The following SUGP2 variants were observed in gnomAD, a reference collection of about 807,000 sequenced individuals.
The protein encoded by SUGP2 is SURP and G-patch domain-containing protein 2.
A neutral mutation model predicts 90.5 loss-of-function variants in SUGP2; 24 were observed. The ratio of observed to expected loss-of-function variants is 0.27; its 90% CI spans 0.19 to 0.37. SUGP2 has a LOEUF of 0.37. SUGP2 is among the 10% of genes least tolerant of loss of function. SUGP2 has a pLI of 1.00. For missense variants in SUGP2, 1,233 were observed against 1,363.3 expected, an observed-to-expected ratio of 0.90 and a Z score of 1.51; for synonymous variants, 473 against 513.4, an observed-to-expected ratio of 0.92 and a Z score of 1.06.
At chr19:18,994,180 G>T in intron 10 of SUGP2, 186 bp downstream of exon 10, 1 of 786,406 alleles carries the variant, frequency 1.3e-6, no homozygotes, top group Non-Finnish European at 2.0e-6. Flanking sequence ...CAGCAAACCT[G>T]GAAGGTAAGA....
chr19:18,995,708 G>A (rs1424336500), intron 8 of SUGP2, among the ~76,000 whole-genome samples: 1 of 152,132 alleles, frequency 6.6e-6, no homozygotes, highest in African/African-American at 2.4e-5. Flanking sequence ...CCAGACAGTG[G>A]GTGAGAACTG....
Position 19,019,127 on chromosome 19 carries a change from T to G in SUGP2, c.1832A>C (p.Lys611Thr). 1 of 1,614,006 alleles carries G rather than the reference T, an allele frequency of 6.2e-7. No individual in the cohort carries two copies. Among genetic ancestry groups the G allele is most frequent in the Non-Finnish European group, 8.5e-7 (1 of 1,179,870 alleles). ...GACCTACCAGTAAGCAGGGTCCTCT[T>G]TGAGAAGAGTTCTCTCTTTGGGAGA... Reference protein sequence around the residue: ...SLSPKERTLLKEDPAYWFLSD... With the variant: ...SLSPKERTLLTEDPAYWFLSD... The change falls in exon 4 of 11, where the codon AAA becomes ACA. Residue 611 changes from lysine to threonine, a missense_variant. Transcript: ENST00000452918.
rs1238415918 is a variant in SUGP2, at chr19:18,991,492, AG to A, written c.*2248del. On this transcript the variant is annotated 3_prime_UTR_variant, in exon 11 of 11. Transcript: ENST00000452918. The stretch of plus-strand genomic sequence containing the variant: ...CAGAACCATCTCAGCTCAAACTTGG[AG>A]GAGCGGCAGGAGGTGGGGGGCGGTC... The A allele has an allele frequency of 6.6e-6, 1 of 152,268 alleles. No individual in the cohort carries two copies. The highest frequency in any genetic ancestry group is 1.5e-5 in the Non-Finnish European group (1 of 68,068). 9.4% of individuals were successfully genotyped at this position (152,268 alleles called of 1,614,324 possible). A position where few individuals can be genotyped will look rare whatever the true frequency, so the allele number is the denominator to read the frequency against.
rs148921679 is a variant in SUGP2, at chr19:19,019,344, G to A, written c.1730-115C>T. 1,043 of 1,178,992 alleles carry A rather than the reference G, an allele frequency of 8.8e-4. 2 individuals are homozygous for A. The highest frequency in any genetic ancestry group is 1.1e-3 in the Non-Finnish European group (954 of 871,202). The allele number at this position is 1,178,992 out of a possible 1,614,324, so 73.0% of individuals were successfully genotyped here. On this transcript the variant is annotated intron_variant, in intron 3 of 10. Transcript: ENST00000452918. ...TGAACCCAAGCAGGCATCAACAACC[G>A]AAATCCTCATTCACAAGACACCAGC...
chr19:19,022,132 A>G (rs751771995), intron 3 of SUGP2, among the ~76,000 whole-genome samples: 7 of 151,736 alleles, frequency 4.6e-5, no homozygotes, highest in Non-Finnish European at 1.0e-4. Context: ...CTACAGGCAC[A>G]TGCCACCACG....
intron 1 of SUGP2, chr19:19,033,005 C>T (rs1380395531): frequency 6.7e-6 from 1 of 149,150 alleles, no homozygotes; most frequent in Non-Finnish European, 1.5e-5. Flanking sequence ...GACCCAGGTT[C>T]AAATCACACG....
chr19:19,020,819 C>T (rs900407420), intron 3 of SUGP2, among the ~76,000 whole-genome samples: 5 of 152,010 alleles, frequency 3.3e-5, no homozygotes, highest in East Asian at 1.9e-4. Flanking sequence ...CATGTTTCTT[C>T]GAATGGTAAG....
At chr19:18,994,130 C>T (rs1329541122) in intron 10 of SUGP2, 2 of 458,014 alleles carry the variant, frequency 4.4e-6, no homozygotes, top group Admixed American at 4.1e-5. Context: ...CCAGGCAGGC[C>T]ATGCGCATCT....
chr19:19,022,346 T>C (rs2058759044), intron 3 of SUGP2, among the ~76,000 whole-genome samples: 1 of 152,194 alleles, frequency 6.6e-6, no homozygotes, highest in Admixed American at 6.5e-5. Context: ...ATGTGGGCCC[T>C]GCTGCCACCT....
chr19:19,031,824 C>CT (rs374873309), intron 1 of SUGP2, among the ~76,000 whole-genome samples: 98,073 of 138,094 alleles, frequency 0.71, 34,837 homozygotes, highest in East Asian at 0.88. Flanking sequence ...TTTTATTTAT[C>CT]TTTTTTTTTT....
intron 1 of SUGP2, among the ~76,000 whole-genome samples, chr19:19,031,483 G>C (rs1331730330): frequency 2.0e-5 from 3 of 150,544 alleles, no homozygotes; most frequent in African/African-American, 7.4e-5. Context: ...GCAGTGGGCC[G>C]AGATCATGCC....
chr19:18,992,210 C>T lies in SUGP2; in HGVS notation c.*1531G>A, dbSNP rs1456915886. 3 of 151,574 alleles carry T rather than the reference C, an allele frequency of 2.0e-5. No homozygotes were observed. The highest frequency in any genetic ancestry group is 4.4e-5 in the Non-Finnish European group (3 of 68,020). The allele number at this position is 151,574 out of a possible 1,614,324, so 9.4% of individuals were successfully genotyped here. A position where few individuals can be genotyped will look rare whatever the true frequency, so the allele number is the denominator to read the frequency against. ...GGACTACAAGCGCCCGCCACCACGC[C>T]CAGCTAATTTTTTGCATTTTTAGTA... On this transcript the variant is annotated 3_prime_UTR_variant, in exon 11 of 11. Transcript: ENST00000452918.
intron 2 of SUGP2, among the ~76,000 whole-genome samples, chr19:19,030,312 A>C (rs2059104874): frequency 6.6e-6 from 1 of 152,092 alleles, no homozygotes; most frequent in South Asian, 2.1e-4. Flanking sequence ...CAACATGGTA[A>C]AACCTCATCT....
chr19:19,009,864 A>C lies in SUGP2; in HGVS notation c.2329T>G (p.Ser777Ala). 6.2e-7 allele frequency: 1 copy of C among 1,605,900 alleles called. No individual in the cohort carries two copies. The highest frequency in any genetic ancestry group is 8.5e-7 in the Non-Finnish European group (1 of 1,174,434). ...EAPQTSSPCP[S>A]ADIDMKTMET... ...AGGAGTGAGCACCCACTGTCAGCAG[A>C]TGGGCAGGGAGAAGAGGTCTGAGGT... Residue 777 changes from serine to alanine, a missense_variant, in exon 5 of 11, where the codon TCT (serine) becomes GCT (alanine). Physicochemically the swap from Ser to Ala is moderately conservative, Grantham distance 99. Coordinates refer to ENST00000452918, the MANE Select transcript of SUGP2 (RefSeq NM_001017392.5).
intron 8 of SUGP2, among the ~76,000 whole-genome samples, chr19:18,995,566 G>A (rs544638581): frequency 5.9e-5 from 9 of 152,304 alleles, no homozygotes; most frequent in African/African-American, 1.7e-4. Context: ...GGCCAGTCCC[G>A]GGGTCAAGGA....
chr19:19,002,105 C>T (rs1198020423), intron 7 of SUGP2, among the ~76,000 whole-genome samples: 3 of 152,170 alleles, frequency 2.0e-5, no homozygotes, highest in East Asian at 1.9e-4. Context: ...TCTGGCCAGG[C>T]GCAGTGGCTC....
At chr19:19,014,564 G>A (rs539980388) in intron 4 of SUGP2, among the ~76,000 whole-genome samples, 1 of 151,930 alleles carries the variant, frequency 6.6e-6, no homozygotes, top group African/African-American at 2.4e-5. Flanking sequence ...AGTGATCTGG[G>A]GGATCGCTTG....
chr19:19,015,919 C>A (rs2058483287), intron 4 of SUGP2, among the ~76,000 whole-genome samples: 1 of 152,182 alleles, frequency 6.6e-6, no homozygotes, highest in Admixed American at 6.5e-5. Context: ...TTATTTCAAT[C>A]TATTTTTCAT....
Position 19,004,171 on chromosome 19 carries a change from T to C in SUGP2, c.2926A>G (p.Lys976Glu). The C allele has an allele frequency of 6.5e-7, 1 of 1,549,282 alleles. No homozygotes were observed. The highest frequency in any genetic ancestry group is 1.4e-5 in the African/African-American group (1 of 73,264). Residue 976 changes from lysine to glutamate, a missense_variant, in exon 7 of 11, where the codon AAA becomes GAA. Transcript: ENST00000452918. ...PKRVCLIQEPKVHEPVRIAYD... is the reference protein window; with the variant it reads ...PKRVCLIQEPEVHEPVRIAYD... Reference sequence around the variant, plus strand: ...GTGCCGACAGGCGGGCACTCACCTTTTGGCTCCTGGATGAGACACACTCTC... The same window carrying C: ...GTGCCGACAGGCGGGCACTCACCTTCTGGCTCCTGGATGAGACACACTCTC...
Sources: allele counts gnomAD v4.1 joint callset (sites outside exome capture counted in the v4.1 genomes callset), GRCh38; gene constraint gnomAD v4.1.1; transcripts MANE v1.5; gene names NCBI Gene and HGNC (gene_info 2026-07-23, HGNC 2026-07-21).